THSD4: variants seen among roughly 807,000 people sequenced by gnomAD.
THSD4 encodes thrombospondin type 1 domain containing 4.
In THSD4, 69 loss-of-function variants were observed where a neutral mutation model predicts 119.0. That is an observed-to-expected ratio of 0.58 (90% CI 0.48 to 0.71). THSD4 has a LOEUF of 0.71. THSD4 is among the 30% of genes least tolerant of loss of function. The pLI is 0.00. For synonymous variants in THSD4, 524 were observed against 540.4 expected (o/e 0.97, Z 0.42); for missense variants, 1,393 against 1,391.1 (o/e 1.00, Z -0.02).
At chr15:71,462,555 T>G (rs2047443675) in intron 7 of THSD4, among the ~76,000 whole-genome samples, 1 of 152,240 alleles carries the variant, frequency 6.6e-6, no homozygotes, top group Non-Finnish European at 1.5e-5. Context: ...ATAAAACACA[T>G]GCCACCACTA....
intron 7 of THSD4, among the ~76,000 whole-genome samples, chr15:71,584,262 CTTTTTTTTTTT>C (rs71154789): frequency 2.6e-4 from 16 of 61,804 alleles, no homozygotes; most frequent in Non-Finnish European, 2.5e-4. Flanking sequence ...TTTTCACTTT[CTTTTTTTTTTT>C]TTTTTTTTTT....
In THSD4 at chr15:71,424,461, G is replaced by A. The variant is rs187537906; in HGVS notation, c.1152+12638G>A. Among the ~76,000 whole-genome samples, 42 of 152,166 alleles carry A rather than the reference G, an allele frequency of 2.8e-4. 1 individual carries two copies. The highest frequency in any genetic ancestry group is 1.2e-3 in the South Asian group (6 of 4,812). Reference sequence around the variant, plus strand: ...CGGGCTAATTACTGCATATTGAAAGGCCTCGAAGGGAAAGGGCAAGTAGAG... The same window carrying A: ...CGGGCTAATTACTGCATATTGAAAGACCTCGAAGGGAAAGGGCAAGTAGAG... On this transcript the variant is annotated intron_variant, in intron 7 of 17. Transcript: ENST00000261862.
chr15:71,547,100 C>T, intron 7 of THSD4: 6 of 706,986 alleles, frequency 8.5e-6, no homozygotes, highest in Non-Finnish European at 1.1e-5. Flanking sequence ...AGATGCAGAA[C>T]TCCACATTGA....
intron 4 of THSD4, among the ~76,000 whole-genome samples, chr15:71,217,923 A>G (rs1466753867): frequency 6.6e-6 from 1 of 151,642 alleles, no homozygotes; most frequent in Non-Finnish European, 1.5e-5. Context: ...AGTAGCTGGG[A>G]CTGCAGGCAT....
chr15:71,691,140 G>A (rs761068203), intron 8 of THSD4, among the ~76,000 whole-genome samples: 5 of 152,080 alleles, frequency 3.3e-5, no homozygotes, highest in African/African-American at 4.8e-5. Context: ...CACAAACTAA[G>A]GAGTGCAAGA....
At chr15:71,486,898 C>T (rs2047831764) in intron 7 of THSD4, among the ~76,000 whole-genome samples, 2 of 152,088 alleles carry the variant, frequency 1.3e-5, no homozygotes, top group Admixed American at 1.3e-4. Flanking sequence ...TCCTGCAAAA[C>T]CAGGATTTAT....
At chr15:71,685,770 C>G (rs996067394) in intron 8 of THSD4, among the ~76,000 whole-genome samples, 1 of 151,990 alleles carries the variant, frequency 6.6e-6, no homozygotes, top group Non-Finnish European at 1.5e-5. Flanking sequence ...AGGTTAGTTG[C>G]AATGGGAAAT....
intron 6 of THSD4, among the ~76,000 whole-genome samples, chr15:71,379,457 T>A (rs1408334368): frequency 8.4e-5 from 10 of 119,306 alleles, no homozygotes; most frequent in African/African-American, 3.3e-4. Flanking sequence ...CTTCTTTTTT[T>A]TTTTTTTTTT....
At chr15:71,108,079 C>T (rs187093085) in intron 1 of THSD4, among the ~76,000 whole-genome samples, 97 of 152,354 alleles carry the variant, frequency 6.4e-4, no homozygotes, top group Non-Finnish European at 1.1e-3. Context: ...CTTCCACCTC[C>T]ATGTGGCCTG....
intron 8 of THSD4, among the ~76,000 whole-genome samples, chr15:71,725,364 CT>C (rs1443739780): frequency 3.9e-5 from 6 of 152,110 alleles, no homozygotes; most frequent in African/African-American, 1.4e-4. Flanking sequence ...AAAGTTTGGC[CT>C]GTCAACATAA....
intron 3 of THSD4, among the ~76,000 whole-genome samples, chr15:71,162,789 T>G (rs1309126642): frequency 6.6e-6 from 1 of 152,088 alleles, no homozygotes; most frequent in Non-Finnish European, 1.5e-5. Context: ...TGGTGTCCCA[T>G]AAGTCCCATG....
At chr15:71,658,312 G>A (rs143207438) in intron 7 of THSD4, among the ~76,000 whole-genome samples, 1 of 152,326 alleles carries the variant, frequency 6.6e-6, no homozygotes, top group South Asian at 2.1e-4. Flanking sequence ...GTGTCATTCT[G>A]TGTTCTTTCC....
At chr15:71,409,896 T>TTG (rs1555410979) in intron 6 of THSD4, among the ~76,000 whole-genome samples, 1 of 151,822 alleles carries the variant, frequency 6.6e-6, no homozygotes, top group African/African-American at 2.4e-5. Flanking sequence ...GTTTTTTTTT[T>TTG]TTTGTTTTTT....
chr15:71,294,422 T>C (rs968573053), intron 6 of THSD4, among the ~76,000 whole-genome samples: 4 of 152,210 alleles, frequency 2.6e-5, no homozygotes, highest in Non-Finnish European at 5.9e-5. Context: ...CTTCGCCCTC[T>C]GCCATGTTGA....
At chr15:71,676,287 A>C (rs1236062066) in intron 8 of THSD4, among the ~76,000 whole-genome samples, 2 of 152,098 alleles carry the variant, frequency 1.3e-5, no homozygotes, top group Non-Finnish European at 2.9e-5. Context: ...ATCCATTTTC[A>C]GAATTTTTTT....
At chr15:71,314,020 A>G (rs1413318564) in intron 6 of THSD4, among the ~76,000 whole-genome samples, 2 of 152,194 alleles carry the variant, frequency 1.3e-5, no homozygotes, top group Non-Finnish European at 2.9e-5. Flanking sequence ...TCTTCTGTCC[A>G]GAGGGGCTTT....
intron 7 of THSD4, among the ~76,000 whole-genome samples, chr15:71,501,591 G>T (rs1414086146): frequency 6.6e-6 from 1 of 152,200 alleles, no homozygotes; most frequent in Non-Finnish European, 1.5e-5. Flanking sequence ...GACATAGCAA[G>T]GCTGAGTTGA....
intron 15 of THSD4, among the ~76,000 whole-genome samples, chr15:71,760,534 A>G (rs1004450015): frequency 3.9e-5 from 6 of 152,184 alleles, no homozygotes; most frequent in Admixed American, 2.6e-4. Context: ...TACCAAGTCT[A>G]TTATTTATGC....
chr15:71,485,905 C>G (rs1406710466), intron 7 of THSD4, among the ~76,000 whole-genome samples: 2 of 152,158 alleles, frequency 1.3e-5, no homozygotes, highest in Non-Finnish European at 2.9e-5. Flanking sequence ...ATTAGAACGT[C>G]AAATACCACT....
Sources: allele counts gnomAD v4.1 joint callset (sites outside exome capture counted in the v4.1 genomes callset), GRCh38; gene constraint gnomAD v4.1.1; transcripts MANE v1.5; gene names NCBI Gene and HGNC (gene_info 2026-07-23, HGNC 2026-07-21).